PPM1J: variants seen among roughly 807,000 people sequenced by gnomAD.
The protein encoded by PPM1J is protein phosphatase, Mg2+/Mn2+ dependent 1J.
PPM1J carries 43 observed loss-of-function variants against 53.3 expected under a neutral mutation model. The observed-to-expected ratio is 0.81, with a 90% confidence interval of 0.63 to 1.04. The LOEUF (loss-of-function observed/expected upper bound fraction) is 1.04, where lower values mean the gene tolerates loss of function less well. Ranked by LOEUF, PPM1J falls within the 50% of genes least tolerant of loss-of-function variation. PPM1J has a pLI of 0.00. For missense variants in PPM1J, 635 were observed against 685.9 expected (o/e 0.93, Z 0.83); for synonymous variants, 267 against 286.4 (o/e 0.93, Z 0.68).
chr1:112,711,090 A>G lies in PPM1J; in HGVS notation c.1047-19T>C, dbSNP rs1410566511. ...GTAGGCCCTGGGGAGGGGGGAGTAG[A>G]GGAGGCATCACCCAGGCATCAAAGC... On this transcript the variant is annotated intron_variant, in intron 6 of 9. Coordinates refer to ENST00000309276, the MANE Select transcript of PPM1J (RefSeq NM_005167.7). 6.2e-7 allele frequency: 1 copy of G among 1,611,794 alleles called. No homozygotes were observed. The highest frequency in any genetic ancestry group is 1.7e-5 in the Admixed American group (1 of 60,004).
chr1:112,711,288 G>A lies in PPM1J; in HGVS notation c.1024C>T (p.Arg342Trp), dbSNP rs1225959771. 8 of 1,607,734 alleles carry A rather than the reference G, an allele frequency of 5.0e-6. No homozygotes were observed. Among genetic ancestry groups the A allele is most frequent in the African/African-American group, 2.7e-5 (2 of 74,800 alleles). Residue 342 changes from arginine (R) to tryptophan (W), a missense_variant, in exon 6 of 10, where the codon CGG (arginine) becomes TGG (tryptophan). Coordinates refer to ENST00000309276, the MANE Select transcript of PPM1J (RefSeq NM_005167.7). ...TACCAGCCGGTCATGTTCTGGTCCC[G>A]GTACAACATCCTCTGCCCCAGCTCC... ...PKELGQRMLYRDQNMTGWAYK... is the reference protein window; with the variant it reads ...PKELGQRMLYWDQNMTGWAYK...
Position 112,710,698 on chromosome 1 carries a change from G to T in PPM1J, c.1218+46C>A, listed in dbSNP as rs774747926. The T allele has an allele frequency of 4.3e-6, 7 of 1,612,504 alleles. No homozygotes were observed. In the East Asian group the frequency reaches 1.6e-4, roughly 36 times the overall value. On this transcript the variant is annotated intron_variant, in intron 8 of 9. Transcript: ENST00000309276. The stretch of plus-strand genomic sequence containing the variant: ...GATAAAGGGACTGCAGATGAAAGCT[G>T]GCCTGAGACTCCCAGAGAAGGCAAG...
chr1:112,713,952 CAGA>C (rs915311646), intron 1 of PPM1J: 1 of 905,066 alleles, frequency 1.1e-6, no homozygotes, highest in African/African-American at 1.7e-5. Flanking sequence ...TAGTTGGTAG[CAGA>C]AGTTTTACTT....
intron 5 of PPM1J, among the ~76,000 whole-genome samples, chr1:112,711,663 C>T (rs1675064147): frequency 6.6e-6 from 1 of 152,182 alleles, no homozygotes; most frequent in Non-Finnish European, 1.5e-5. Flanking sequence ...AGCTCCACAG[C>T]CACATGCGTT....
chr1:112,713,540 C>G lies in PPM1J; in HGVS notation c.398G>C (p.Arg133Pro). ...CCTAGGTACTCCTGTAACACTCCTC[C>G]GACCTTCCACATACACCACTTCACA... ...ACCEVVYVEG[R>P]RSVTGVPREP... is the part of the protein sequence containing the mutation. The change falls in exon 2 of 10, where the codon CGG becomes CCG. Residue 133 changes from arginine (R) to proline (P), a missense_variant. By Grantham distance (103) the Arg-to-Pro change is moderately radical. Transcript: ENST00000309276. 6.2e-7 allele frequency: 1 copy of G among 1,614,064 alleles called. No homozygotes were observed. The highest frequency in any genetic ancestry group is 8.5e-7 in the Non-Finnish European group (1 of 1,179,996).
rs1484093130 is a variant in PPM1J, at chr1:112,711,347, G to A, written c.965C>T (p.Thr322Ile). 3.1e-6 allele frequency: 5 copies of A among 1,606,120 alleles called. No individual in the cohort carries two copies. Among genetic ancestry groups the A allele is most frequent in the Non-Finnish European group, 4.3e-6 (5 of 1,176,246 alleles). The change falls in exon 6 of 10, where the codon ACC (threonine) becomes ATC (isoleucine). Residue 322 changes from threonine to isoleucine, a missense_variant. Transcript: ENST00000309276. Reference sequence around the variant, plus strand: ...AACTCTGCGGGGGAACTCAAGGTGGGTGAATTCACTGCCTAGCAGCTCTGG... The same window carrying A: ...AACTCTGCGGGGGAACTCAAGGTGGATGAATTCACTGCCTAGCAGCTCTGG... ...LKPELLGSEF[T>I]HLEFPRRVLP...
intron 3 of PPM1J, 129 bp downstream of exon 3, chr1:112,712,615 C>T: frequency 1.7e-6 from 2 of 1,169,708 alleles, no homozygotes. Context: ...CTTCTCCCTC[C>T]CCTCTGAACC....
chr1:112,711,137 T>C, intron 6 of PPM1J, 66 bp from the exon 7 acceptor site: 1 of 1,519,342 alleles, frequency 6.6e-7, no homozygotes, highest in South Asian at 1.1e-5. Context: ...AGGAGCTGCA[T>C]ACCCTCACAC....
Position 112,712,867 on chromosome 1 carries a change from C to T in PPM1J, c.606G>A (p.Pro202=), listed in dbSNP as rs776833859. The change falls in exon 3 of 10, where the codon CCG becomes CCA. Residue 202 remains proline (P), a synonymous_variant. Transcript: ENST00000309276. ...AGGGATCGGAGGAATCTGGGGTCCC[C>T]GGAGTGGTTGGGAGGCAGAGGGGTG... The part of the protein sequence containing the change: ...SPPPLCLPTT[P]GTPDSSDPSH... 33 of 1,613,790 alleles carry T rather than the reference C, an allele frequency of 2.0e-5. No homozygotes were observed. The highest frequency in any genetic ancestry group is 4.0e-5 in the African/African-American group (3 of 74,890).
At chr1:112,714,853 C>T in intron 1 of PPM1J, 123 bp downstream of exon 1, 6 of 1,322,596 alleles carry the variant, frequency 4.5e-6, no homozygotes, top group Non-Finnish European at 5.8e-6. Context: ...TAGCAAAGGT[C>T]CACGGAAAAG....
Position 112,711,251 on chromosome 1 carries a change from T to G in PPM1J, c.1046+15A>C. ...TTGCCATGGGAACGGGCCCCAGCTC[T>G]GAGGGAAGTGTTACCAGCCGGTCAT... is the stretch of plus-strand genomic sequence containing the variant. On this transcript the variant is annotated intron_variant, in intron 6 of 9. Transcript: ENST00000309276. 1 of 1,592,030 alleles carries G rather than the reference T, an allele frequency of 6.3e-7. No homozygotes were observed. The highest frequency in any genetic ancestry group is 1.7e-4 in the Middle Eastern group (1 of 6,008).
intron 1 of PPM1J, 166 bp downstream of exon 1, chr1:112,714,810 G>A: frequency 7.8e-7 from 1 of 1,281,162 alleles, no homozygotes; most frequent in Non-Finnish European, 9.9e-7. Flanking sequence ...TGGAAAATGG[G>A]TTGGGAGGGG....
chr1:112,713,126 C>T, intron 2 of PPM1J, 95 bp from the exon 3 acceptor site: 3 of 1,173,398 alleles, frequency 2.6e-6, no homozygotes, highest in South Asian at 3.1e-5. Context: ...AGACTCTGGG[C>T]ATCCATACAA....
rs533339839 is a variant in PPM1J at position 112,711,905 on chromosome 1, C to T, written c.927+66G>A. On this transcript the variant is annotated intron_variant, in intron 5 of 9. Coordinates refer to ENST00000309276, the MANE Select transcript of PPM1J (RefSeq NM_005167.7). ...GGTGGGGGTGTGAGAGTTCTCAGGG[C>T]CATGGGGTGCAGGGAGGCACAAGAC... is the stretch of plus-strand genomic sequence containing the variant. 68 of 1,143,000 alleles carry T rather than the reference C, an allele frequency of 5.9e-5. No homozygotes were observed. The East Asian group carries it at 1.5e-3, about 25-fold the overall frequency. 70.8% of individuals were successfully genotyped at this position (1,143,000 alleles called of 1,614,324 possible). A position where few individuals can be genotyped will look rare whatever the true frequency, so the allele number is the denominator to read the frequency against.
rs1675162915 is a variant in PPM1J, at chr1:112,714,995, A to C, written c.307T>G (p.Trp103Gly). 1 of 1,451,920 alleles carries C rather than the reference A, an allele frequency of 6.9e-7. No homozygotes were observed. Among genetic ancestry groups the C allele is most frequent in the Admixed American group, 2.7e-5 (1 of 36,756 alleles). The allele number at this position is 1,451,920 out of a possible 1,614,324, so 89.9% of individuals were successfully genotyped here. A position where few individuals can be genotyped will look rare whatever the true frequency, so the allele number is the denominator to read the frequency against. ...SPPDTGRRLPWSTGYAEVINA... is the reference protein window; with the variant it reads ...SPPDTGRRLPGSTGYAEVINA... ...GCTCACTCGGCGTAGCCTGTGCTCC[A>C]GGGCAGGCGGCGGCCCGTGTCCGGG... The change falls in exon 1 of 10, where the codon TGG (tryptophan) becomes GGG (glycine). Residue 103 changes from tryptophan to glycine, a missense_variant. Transcript: ENST00000309276.
intron 4 of PPM1J, 53 bp downstream of exon 4, chr1:112,712,292 C>A: frequency 7.3e-7 from 1 of 1,378,276 alleles, no homozygotes; most frequent in East Asian, 2.5e-5. Flanking sequence ...TGTATTCCCC[C>A]AACTCAGAGA....
In PPM1J at chr1:112,711,014, G is replaced by A. The variant is rs1398801219; in HGVS notation, c.1104C>T (p.Gly368=). Residue 368 remains glycine, a synonymous_variant, in exon 7 of 10, where the codon GGC becomes GGT. Transcript: ENST00000309276. ...CCTCTACCATGGAGTTTACCTTTTTGCCCTCCCCACAGACCAGAGGAAACC... is the reference window on the plus strand; with the variant it reads ...CCTCTACCATGGAGTTTACCTTTTTACCCTCCCCACAGACCAGAGGAAACC... ...DLRFPLVCGE[G]KKARVMATIG... 3 of 1,613,492 alleles carry A rather than the reference G, an allele frequency of 1.9e-6. No individual in the cohort carries two copies. Among genetic ancestry groups the A allele is most frequent in the Non-Finnish European group, 8.5e-7 (1 of 1,179,624 alleles).
rs1675100513 is a variant in PPM1J, at chr1:112,712,889, G to A, written c.584C>T (p.Pro195Leu). ...CCCCGGAGTGGTTGGGAGGCAGAGG[G>A]GTGGTGGCGAAGGGTCCTGAAGTAT... ...VEILQDPSPP[P>L]LCLPTTPGTP... Residue 195 changes from proline to leucine, a missense_variant, in exon 3 of 10, where the codon CCC becomes CTC. Coordinates refer to ENST00000309276, the MANE Select transcript of PPM1J (RefSeq NM_005167.7). 1.9e-6 allele frequency: 3 copies of A among 1,614,040 alleles called. No homozygotes were observed. Among genetic ancestry groups the A allele is most frequent in the Admixed American group, 1.7e-5 (1 of 60,030 alleles).
chr1:112,713,444 G>T, intron 2 of PPM1J, 53 bp downstream of exon 2: 1 of 1,280,506 alleles, frequency 7.8e-7, no homozygotes, highest in Non-Finnish European at 1.1e-6. Context: ...CCAGAGGCCT[G>T]AGTCCCTGGG....
Sources: allele counts gnomAD v4.1 joint callset (sites outside exome capture counted in the v4.1 genomes callset), GRCh38; gene constraint gnomAD v4.1.1; transcripts MANE v1.5; gene names NCBI Gene and HGNC (gene_info 2026-07-23, HGNC 2026-07-21).